XPNPEP3: variants seen among roughly 807,000 people sequenced by gnomAD.
XPNPEP3 encodes the protein X-prolyl aminopeptidase 3.
XPNPEP3 carries 41 observed loss-of-function variants against 60.0 expected under a neutral mutation model. The observed-to-expected ratio is 0.68, with a 90% CI of 0.53 to 0.89. XPNPEP3 has a LOEUF of 0.89. XPNPEP3 is among the 40% of genes least tolerant of loss of function. The pLI, the probability that XPNPEP3 is intolerant of heterozygous loss-of-function variation, is 0.00. For missense variants in XPNPEP3, 598 were observed against 638.9 expected (o/e 0.94, Z 0.69); for synonymous variants, 212 against 223.2 (o/e 0.95, Z 0.45).
rs13058395 is a variant in XPNPEP3 at position 40,914,059 on chromosome 22, T to C, written c.970-180T>C. 0.034 allele frequency among the ~76,000 whole-genome samples: 5,116 copies of C among 151,718 alleles called. 123 individuals are homozygous for C. Among genetic ancestry groups the C allele is most frequent in the Non-Finnish European group, 0.055 (3,745 of 67,958 alleles). On this transcript the variant is annotated intron_variant, in intron 6 of 9. Coordinates refer to ENST00000357137, the MANE Select transcript of XPNPEP3 (RefSeq NM_022098.4). ...TCGGAGGCTGAGGCAGGAGAATCGC[T>C]TGAACGCGGGAAGCGGAGGTTGTGG...
Position 40,924,433 on chromosome 22 carries a change from G to T in XPNPEP3, c.1308G>T (p.Met436Ile), listed in dbSNP as rs769462556. 1.9e-6 allele frequency: 3 copies of T among 1,614,164 alleles called. No homozygotes were observed. The highest frequency in any genetic ancestry group is 4.5e-5 in the East Asian group (2 of 44,890). The stretch of plus-strand genomic sequence containing the variant: ...TGGATGTCCATGACACTCCAGACAT[G>T]CCCCGTTCCCTCCCTCTGCAGCCTG... ...LGMDVHDTPD[M>I]PRSLPLQPGM... The change falls in exon 9 of 10, where the codon ATG becomes ATT. Residue 436 changes from methionine to isoleucine, a missense_variant. Transcript: ENST00000357137.
At chr22:40,913,348 G>C (rs980793745) in intron 6 of XPNPEP3, among the ~76,000 whole-genome samples, 1 of 150,480 alleles carries the variant, frequency 6.6e-6, no homozygotes, top group East Asian at 2.0e-4. Flanking sequence ...TGAGGCAGGA[G>C]AATCACTTGA....
intron 2 of XPNPEP3, among the ~76,000 whole-genome samples, chr22:40,876,445 GTGGATTATTGTATAATCCAC>G (rs2058028063): frequency 6.6e-6 from 1 of 152,098 alleles, no homozygotes; most frequent in South Asian, 2.1e-4. Context: ...ATCCACTTAG[GTGGATTATTGTATAATCCAC>G]ATAACAACTT....
In XPNPEP3 at chr22:40,869,104, T is replaced by A; in HGVS notation, c.170T>A (p.Leu57His). ...GQPSPFTHPH[L>H]LRPGEVTPGL... ...CCCAGCCCCTTTACACACCCACACC[T>A]CCTCAGACCAGGTAAGGCCTTTTAA... The change falls in exon 2 of 10, where the codon CTC (leucine) becomes CAC (histidine). Residue 57 changes from leucine (L) to histidine (H), a missense_variant. Leu to His is a moderately conservative substitution (Grantham distance 99). Transcript: ENST00000357137. 6.2e-7 allele frequency: 1 copy of A among 1,613,840 alleles called. No individual in the cohort carries two copies. Among genetic ancestry groups the A allele is most frequent in the Non-Finnish European group, 8.5e-7 (1 of 1,179,802 alleles).
chr22:40,914,404 C>A lies in XPNPEP3; in HGVS notation c.1055+80C>A, dbSNP rs191809691. 26 of 1,202,298 alleles carry A rather than the reference C, an allele frequency of 2.2e-5. No individual in the cohort carries two copies. The Admixed American group carries it at 3.8e-4, about 18-fold the overall frequency. The allele number at this position is 1,202,298 out of a possible 1,614,324, so 74.5% of individuals were successfully genotyped here. On this transcript the variant is annotated intron_variant, in intron 7 of 9. Transcript: ENST00000357137. ...ATATGGCTATATTTGGAATGAATGACTAAAGAAATACTATAGGTCCATTCC... is the reference window on the plus strand; with the variant it reads ...ATATGGCTATATTTGGAATGAATGAATAAAGAAATACTATAGGTCCATTCC...
chr22:40,885,048 G>A (rs990328135), intron 3 of XPNPEP3, among the ~76,000 whole-genome samples: 9 of 151,688 alleles, frequency 5.9e-5, no homozygotes, highest in South Asian at 2.1e-4. Flanking sequence ...AAAATTACAC[G>A]ACAATTAAAT....
chr22:40,891,608 G>A (rs1382279786), intron 4 of XPNPEP3, among the ~76,000 whole-genome samples: 10 of 150,468 alleles, frequency 6.6e-5, no homozygotes, highest in Admixed American at 2.0e-4. Context: ...AGCAGAGATC[G>A]CACCACTGCA....
intron 1 of XPNPEP3, among the ~76,000 whole-genome samples, chr22:40,858,128 A>G (rs557190815): frequency 6.6e-6 from 1 of 152,302 alleles, no homozygotes; most frequent in Non-Finnish European, 1.5e-5. Flanking sequence ...TTTTTTTGAG[A>G]CAGGCTCTCA....
chr22:40,897,840 T>A (rs1377938625), intron 4 of XPNPEP3, among the ~76,000 whole-genome samples: 1 of 152,216 alleles, frequency 6.6e-6, no homozygotes, highest in East Asian at 1.9e-4. Flanking sequence ...CAGCTAGTGA[T>A]GTTCAGCATA....
intron 2 of XPNPEP3, among the ~76,000 whole-genome samples, chr22:40,880,885 A>C (rs576397813): frequency 1.3e-5 from 2 of 152,164 alleles, no homozygotes; most frequent in Non-Finnish European, 2.9e-5. Context: ...CCATAGAGAC[A>C]GATAATAGAT....
At chr22:40,896,523 C>T (rs558527439) in intron 4 of XPNPEP3, among the ~76,000 whole-genome samples, 3 of 151,832 alleles carry the variant, frequency 2.0e-5, no homozygotes, top group African/African-American at 4.8e-5. Context: ...GAAAATTAGC[C>T]GGGCGTGGGA....
intron 1 of XPNPEP3, chr22:40,861,025 A>G (rs765969927): frequency 2.0e-6 from 3 of 1,528,530 alleles, no homozygotes; most frequent in Non-Finnish European, 2.6e-6. Flanking sequence ...ACCAAAACAC[A>G]CACAATTGTG....
intron 4 of XPNPEP3, among the ~76,000 whole-genome samples, chr22:40,894,088 G>T (rs527364315): frequency 2.0e-5 from 3 of 152,142 alleles, no homozygotes; most frequent in African/African-American, 7.2e-5. Context: ...CAGGAGGATC[G>T]CTTGAGGCCA....
In XPNPEP3 at chr22:40,882,316, C is replaced by G; in HGVS notation, c.589+139C>G. On this transcript the variant is annotated intron_variant, in intron 3 of 9. Coordinates refer to ENST00000357137, the MANE Select transcript of XPNPEP3 (RefSeq NM_022098.4). ...GAGCACCATGAAAGAAATGTAAAGT[C>G]TTTTTCAGAAGATTGAGCTTCTTTA... The G allele has an allele frequency of 3.0e-6, 3 of 997,914 alleles. No individual in the cohort carries two copies. The South Asian group carries it at 4.5e-5, about 15-fold the overall frequency. 61.8% of individuals were successfully genotyped at this position (997,914 alleles called of 1,614,324 possible).
intron 4 of XPNPEP3, among the ~76,000 whole-genome samples, chr22:40,896,429 G>A (rs1461299626): frequency 1.3e-5 from 2 of 152,086 alleles, no homozygotes. Flanking sequence ...ACTCTGGGAG[G>A]CTGAGGCAGG....
Position 40,924,363 on chromosome 22 carries a change from C to T in XPNPEP3, c.1238C>T (p.Ala413Val), listed in dbSNP as rs773008253. 6.2e-7 allele frequency: 1 copy of T among 1,614,134 alleles called. No homozygotes were observed. The highest frequency in any genetic ancestry group is 2.2e-5 in the East Asian group (1 of 44,888). ...KNIKENNAFKAARKYCPHHVG... is the reference protein window; with the variant it reads ...KNIKENNAFKVARKYCPHHVG... ...TACTGTGACAATTATCTTTTCCAGGCTGCTCGAAAATACTGTCCTCATCAT... is the reference window on the plus strand; with the variant it reads ...TACTGTGACAATTATCTTTTCCAGGTTGCTCGAAAATACTGTCCTCATCAT... The change falls in exon 9 of 10, where the codon GCT (alanine) becomes GTT (valine). Residue 413 changes from alanine to valine, a missense_variant and splice_region_variant. Coordinates refer to ENST00000357137, the MANE Select transcript of XPNPEP3 (RefSeq NM_022098.4).
rs139556885 is a variant in XPNPEP3, at chr22:40,862,673, GC to G, written c.64+5430del. 1.2e-3 allele frequency: 1,171 copies of G among 985,440 alleles called. 10 individuals carry two copies. In the African/African-American group the frequency reaches 0.018, roughly 15 times the overall value. The allele number at this position is 985,440 out of a possible 1,614,324, so 61.0% of individuals were successfully genotyped here. On this transcript the variant is annotated intron_variant, in intron 1 of 9. Coordinates refer to ENST00000357137, the MANE Select transcript of XPNPEP3 (RefSeq NM_022098.4). ...AGCCTGATATGTTAACTTTCTGCAT[GC>G]CAGTGGTAAGTCATTTGAGATTATA...
At chr22:40,892,109 C>G (rs1318348937) in intron 4 of XPNPEP3, among the ~76,000 whole-genome samples, 1 of 152,200 alleles carries the variant, frequency 6.6e-6, no homozygotes, top group Non-Finnish European at 1.5e-5. Context: ...TCATTTCAAA[C>G]AGCTTGCCAC....
chr22:40,881,246 A>G (rs2058046938), intron 2 of XPNPEP3, among the ~76,000 whole-genome samples: 1 of 151,744 alleles, frequency 6.6e-6, no homozygotes, highest in African/African-American at 2.4e-5. Context: ...ATGAGGTTTT[A>G]CCATGTTGGC....
Sources: allele counts gnomAD v4.1 joint callset (sites outside exome capture counted in the v4.1 genomes callset), GRCh38; gene constraint gnomAD v4.1.1; transcripts MANE v1.5; gene names NCBI Gene and HGNC (gene_info 2026-07-23, HGNC 2026-07-21).